Variants in CORO1C observed in about 807,000 individuals in gnomAD.
CORO1C encodes the protein coronin-1C.
In CORO1C, 14 loss-of-function variants were observed where a neutral mutation model predicts 51.2. That is an observed-to-expected ratio of 0.27 (90% CI 0.18 to 0.43). The LOEUF (loss-of-function observed/expected upper bound fraction) is 0.43, where lower values mean the gene tolerates loss of function less well. Among genes scored for constraint, CORO1C ranks in the 20% least tolerant of loss-of-function variants. The pLI, the probability that CORO1C is intolerant of heterozygous loss-of-function variation, is 1.00. For missense variants in CORO1C, 417 were observed against 607.8 expected (o/e 0.69, Z 3.30); for synonymous variants, 181 against 210.5 (o/e 0.86, Z 1.21).
At chr12:108,664,376 A>G (rs1366867468) in intron 3 of CORO1C, among the ~76,000 whole-genome samples, 1 of 152,236 alleles carries the variant, frequency 6.6e-6, no homozygotes. Context: ...GGTTCAGCTC[A>G]GTTCTACTGT....
At chr12:108,687,711 G>C (rs965625506) in intron 2 of CORO1C, among the ~76,000 whole-genome samples, 15 of 151,516 alleles carry the variant, frequency 9.9e-5, no homozygotes, top group Non-Finnish European at 1.6e-4. Context: ...CTTGAACCTG[G>C]GAGGCAGAGG....
Position 108,654,405 on chromosome 12 carries a change from AT to A in CORO1C, c.755del (p.Asn252IlefsTer97). ...ERQLALWNPK[N>X]MQEPIALHEM... ...CATGAAGAGCAATTGGTTCCTGCAT[AT>A]TTTTCTGGGGGGAAGATAATAATAA... On this transcript the variant is annotated frameshift_variant, in exon 7 of 11. Coordinates refer to ENST00000261401, the MANE Select transcript of CORO1C (RefSeq NM_014325.4). LOFTEE classifies it high-confidence loss of function. 1 of 1,601,642 alleles carries A rather than the reference AT, an allele frequency of 6.2e-7. No homozygotes were observed. The highest frequency in any genetic ancestry group is 8.6e-7 in the Non-Finnish European group (1 of 1,169,332).
chr12:108,690,331 A>C (rs886456545), intron 2 of CORO1C, among the ~76,000 whole-genome samples: 3 of 152,208 alleles, frequency 2.0e-5, no homozygotes, highest in African/African-American at 7.2e-5. Flanking sequence ...GTTACCCTGT[A>C]AGGTAAGGTA....
At chr12:108,708,857 A>G (rs1565934131) in intron 1 of CORO1C, among the ~76,000 whole-genome samples, 1 of 152,012 alleles carries the variant, frequency 6.6e-6, no homozygotes, top group East Asian at 1.9e-4. Flanking sequence ...AGCTCGAGCA[A>G]TCCTCCCACC....
rs77715832 is a variant in CORO1C at position 108,712,179 on chromosome 12, T to C, written c.-5-10856A>G. ...ACTTTAATGTAGAAGAGATCCGATG[T>C]GTTATTCAATAGAAAAAGGCAGGTA... On this transcript the variant is annotated intron_variant, in intron 1 of 10. Coordinates refer to ENST00000261401, the MANE Select transcript of CORO1C (RefSeq NM_014325.4). Among the ~76,000 whole-genome samples, 1,407 of 152,324 alleles carry C rather than the reference T, an allele frequency of 9.2e-3. 10 individuals carry two copies. The highest frequency in any genetic ancestry group is 0.014 in the Non-Finnish European group (936 of 68,026).
chr12:108,656,538 G>C (rs1565903272), intron 6 of CORO1C, among the ~76,000 whole-genome samples: 1 of 152,252 alleles, frequency 6.6e-6, no homozygotes, highest in Non-Finnish European at 1.5e-5. Context: ...CCACCATCCT[G>C]TCTGGGAGGT....
At chr12:108,654,644 A>G (rs1035116664) in intron 6 of CORO1C, among the ~76,000 whole-genome samples, 4 of 152,050 alleles carry the variant, frequency 2.6e-5, no homozygotes, top group African/African-American at 7.2e-5. Context: ...GCGCGCATAC[A>G]TCAGCGTGAT....
rs1408954500 is a variant in CORO1C, at chr12:108,657,322, C to G, written c.732G>C (p.Gln244His). 4 of 1,613,786 alleles carry G rather than the reference C, an allele frequency of 2.5e-6. No homozygotes were observed. The highest frequency in any genetic ancestry group is 3.4e-6 in the Non-Finnish European group (4 of 1,179,878). Reference protein sequence around the residue: ...TTGFSRMSERQLALWNPKNMQ... With the variant: ...TTGFSRMSERHLALWNPKNMQ... Reference sequence around the variant, plus strand: ...GGCGTACCGGATTCCAGAGAGCCAGCTGCCGCTCGCTCATGCGGCTGAACC... The same window carrying G: ...GGCGTACCGGATTCCAGAGAGCCAGGTGCCGCTCGCTCATGCGGCTGAACC... The change falls in exon 6 of 11, where the codon CAG becomes CAC. Residue 244 changes from glutamine (Q) to histidine (H), a missense_variant. Gln to His is a conservative substitution (Grantham distance 24, BLOSUM62 0). Transcript: ENST00000261401.
At chr12:108,699,190 C>A (rs1398387739) in intron 2 of CORO1C, among the ~76,000 whole-genome samples, 1 of 152,204 alleles carries the variant, frequency 6.6e-6, no homozygotes, top group African/African-American at 2.4e-5. Context: ...AGGACACATT[C>A]ATTAAGTGTA....
chr12:108,698,173 A>G (rs1234129197), intron 2 of CORO1C, among the ~76,000 whole-genome samples: 2 of 152,244 alleles, frequency 1.3e-5, no homozygotes, highest in Non-Finnish European at 2.9e-5. Context: ...GAGGGACCAC[A>G]GGACCACTCC....
chr12:108,699,050 A>T (rs1410141152), intron 2 of CORO1C, among the ~76,000 whole-genome samples: 1 of 152,234 alleles, frequency 6.6e-6, no homozygotes, highest in African/African-American at 2.4e-5. Flanking sequence ...AAAGCTAGAC[A>T]GACAGTATTA....
chr12:108,677,880 G>T (rs975163074), intron 3 of CORO1C, among the ~76,000 whole-genome samples: 9 of 152,176 alleles, frequency 5.9e-5, no homozygotes, highest in Middle Eastern at 3.4e-3. Flanking sequence ...TTAGCCAGGT[G>T]TGGTAGCAGA....
At chr12:108,663,046 A>T (rs1489009032) in intron 3 of CORO1C, among the ~76,000 whole-genome samples, 1 of 152,240 alleles carries the variant, frequency 6.6e-6, no homozygotes, top group Non-Finnish European at 1.5e-5. Context: ...AAGACATATA[A>T]ATGGCGAAAA....
intron 3 of CORO1C, among the ~76,000 whole-genome samples, chr12:108,670,263 C>T (rs2033666503): frequency 6.6e-6 from 1 of 152,178 alleles, no homozygotes; most frequent in African/African-American, 2.4e-5. Context: ...CAAGGGGACA[C>T]CTGACAGACC....
At chr12:108,666,181 G>A (rs2033469015) in intron 3 of CORO1C, among the ~76,000 whole-genome samples, 1 of 152,182 alleles carries the variant, frequency 6.6e-6, no homozygotes. Context: ...AATAAAACAC[G>A]CAGATGTGTA....
intron 1 of CORO1C, among the ~76,000 whole-genome samples, chr12:108,708,462 G>GTTTT (rs370271921): frequency 1.6e-4 from 23 of 143,732 alleles, no homozygotes; most frequent in Middle Eastern, 7.1e-3. Context: ...GTTGCTTAGA[G>GTTTT]TTTTTTTTTT....
intron 1 of CORO1C, among the ~76,000 whole-genome samples, chr12:108,727,885 A>G (rs528306082): frequency 1.1e-3 from 161 of 152,380 alleles, no homozygotes; most frequent in African/African-American, 3.7e-3. Flanking sequence ...AACAACTTTT[A>G]TAACACCAAT....
chr12:108,728,203 A>G (rs1165057563), intron 1 of CORO1C, among the ~76,000 whole-genome samples: 1 of 152,236 alleles, frequency 6.6e-6, no homozygotes, highest in Non-Finnish European at 1.5e-5. Context: ...TCCTAGGTAA[A>G]TACTCAGGAG....
At chr12:108,662,324 T>TG (rs201870519) in intron 3 of CORO1C, among the ~76,000 whole-genome samples, 166 bp from the exon 4 acceptor site, 1,578 of 152,196 alleles carry the variant, frequency 0.01, 29 homozygotes, top group African/African-American at 0.036. Context: ...GCGGTTTTTT[T>TG]TTTGTTTGTT....
Sources: allele counts gnomAD v4.1 joint callset (sites outside exome capture counted in the v4.1 genomes callset), GRCh38; gene constraint gnomAD v4.1.1; transcripts MANE v1.5; gene names NCBI Gene and HGNC (gene_info 2026-07-23, HGNC 2026-07-21).